The following CASTOR2 variants were observed in gnomAD, a reference collection of about 807,000 sequenced individuals.
CASTOR2 encodes cytosolic arginine sensor for mTORC1 subunit 2.
CASTOR2 carries 8 observed loss-of-function variants against 31.2 expected under a neutral mutation model. That is an observed-to-expected ratio of 0.26 (90% confidence interval 0.15 to 0.46). The LOEUF (loss-of-function observed/expected upper bound fraction) is 0.46. CASTOR2 is among the 20% of genes least tolerant of loss of function. The pLI, the probability that CASTOR2 is intolerant of heterozygous loss-of-function variation, is 0.99. For synonymous variants in CASTOR2, 162 were observed against 158.7 expected, an observed-to-expected ratio of 1.02 and a Z score of -0.16; for missense variants, 216 against 382.1, an observed-to-expected ratio of 0.57 and a Z score of 3.62.
chr7:74,971,195 G>A (rs1382477368), intron 1 of CASTOR2, among the ~76,000 whole-genome samples: 1 of 121,550 alleles, frequency 8.2e-6, no homozygotes, highest in African/African-American at 3.2e-5. Flanking sequence ...GGGTTTAGCC[G>A]TGTTACTCAG....
chr7:75,021,995 T>C, intron 7 of CASTOR2, 39 bp downstream of exon 7: 2 of 1,548,378 alleles, frequency 1.3e-6, no homozygotes, highest in Non-Finnish European at 8.7e-7. Flanking sequence ...TTGAGGGAGC[T>C]GGCATTGCTG....
rs1244574387 is a variant in CASTOR2 at position 75,025,552 on chromosome 7, G to A, written c.*853G>A. On this transcript the variant is annotated 3_prime_UTR_variant, in exon 9 of 9. Transcript: ENST00000616305. ...TTCCAGGCCTGAGGTTTCTTAGGTG[G>A]TGTCCCACCTCCCCAACAGACAACT... Among the ~76,000 whole-genome samples, 3 of 152,156 alleles carry A rather than the reference G, an allele frequency of 2.0e-5. No individual in the cohort carries two copies. The highest frequency in any genetic ancestry group is 4.4e-5 in the Non-Finnish European group (3 of 68,016).
rs1334911615 is a variant in CASTOR2, at chr7:74,994,699, G to A, written c.114-13295G>A. Among the ~76,000 whole-genome samples, 19 of 151,924 alleles carry A rather than the reference G, an allele frequency of 1.3e-4. No individual in the cohort carries two copies. In the East Asian group the frequency reaches 2.9e-3, roughly 23 times the overall value. ...TGGTAGGCAGAGGTTGCGGTGAGCC[G>A]AGATTGTGTCGCTGCACTCCAGCCT... On this transcript the variant is annotated intron_variant, in intron 1 of 8. Transcript: ENST00000616305.
Position 75,027,171 on chromosome 7 carries a change from A to G in CASTOR2, c.*2472A>G, listed in dbSNP as rs1403931297. 2.0e-5 allele frequency: 3 copies of G among 152,230 alleles called. No homozygotes were observed. Among genetic ancestry groups the G allele is most frequent in the Non-Finnish European group, 4.4e-5 (3 of 68,028 alleles). 9.4% of individuals were successfully genotyped at this position (152,230 alleles called of 1,614,324 possible). On this transcript the variant is annotated 3_prime_UTR_variant, in exon 9 of 9. Transcript: ENST00000616305. ...AGTATATAGGCAATACGATTATTAC[A>G]GAAGCCGATGGGTTCCCTCAGACCT...
chr7:75,009,549 T>C (rs1554439140), intron 2 of CASTOR2, among the ~76,000 whole-genome samples: 2 of 151,770 alleles, frequency 1.3e-5, no homozygotes. Flanking sequence ...ATTACAGGCG[T>C]GAGCCACCGC....
intron 1 of CASTOR2, among the ~76,000 whole-genome samples, chr7:75,003,883 G>A (rs1432477116): frequency 4.5e-4 from 68 of 152,212 alleles, no homozygotes; most frequent in Middle Eastern, 3.4e-3. Flanking sequence ...AAGCCCACCC[G>A]TGCCAAGGTG....
At chr7:74,970,905 T>C (rs3912064) in intron 1 of CASTOR2, among the ~76,000 whole-genome samples, 1 of 150,014 alleles carries the variant, frequency 6.7e-6, no homozygotes, top group East Asian at 2.0e-4. Context: ...GCCACTGCAC[T>C]CCAGCCTGAG....
At chr7:75,011,946 G>C (rs1804759985) in intron 2 of CASTOR2, among the ~76,000 whole-genome samples, 2 of 151,218 alleles carry the variant, frequency 1.3e-5, no homozygotes, top group South Asian at 4.2e-4. Context: ...CAGCCTGGGG[G>C]ACAGAGTGAG....
chr7:75,005,494 G>A (rs1197618858), intron 1 of CASTOR2, among the ~76,000 whole-genome samples: 2 of 152,128 alleles, frequency 1.3e-5, no homozygotes, highest in African/African-American at 4.8e-5. Flanking sequence ...TCCAGTTGAA[G>A]GAAGGACATT....
At chr7:75,001,682 G>C (rs1311598892) in intron 1 of CASTOR2, among the ~76,000 whole-genome samples, 1 of 152,202 alleles carries the variant, frequency 6.6e-6, no homozygotes, top group South Asian at 2.1e-4. Flanking sequence ...CCATCCTTTC[G>C]CTCAGCAATC....
intron 1 of CASTOR2, among the ~76,000 whole-genome samples, chr7:74,969,247 G>C (rs1803624640): frequency 1.2e-5 from 1 of 82,340 alleles, no homozygotes; most frequent in Non-Finnish European, 2.3e-5. Context: ...TGGCCTTTCT[G>C]TATTCCTGCC....
At chr7:75,004,332 C>T (rs1188617685) in intron 1 of CASTOR2, among the ~76,000 whole-genome samples, 5 of 152,132 alleles carry the variant, frequency 3.3e-5, no homozygotes, top group South Asian at 4.1e-4. Context: ...GGGACTGAGA[C>T]GTAATTTGAA....
At position 75,020,765 on chromosome 7, in the gene CASTOR2, T is replaced by A. The variant is rs587620544; in HGVS notation, c.746+616T>A. ...CGGCCTCCCAAAGTGCTGGGATTAC[T>A]GGCATGAGCCACCGCAACCAGCCTG... On this transcript the variant is annotated intron_variant, in intron 6 of 8. Transcript: ENST00000616305. Among the ~76,000 whole-genome samples, 251 of 151,412 alleles carry A rather than the reference T, an allele frequency of 1.7e-3. 1 individual carries two copies. In the East Asian group the frequency reaches 0.031, roughly 19 times the overall value.
At position 75,031,280 on chromosome 7, in the gene CASTOR2, A is replaced by C. The variant is rs1805295943; in HGVS notation, c.*6581A>C. 6.6e-6 allele frequency among the ~76,000 whole-genome samples: 1 copy of C among 151,968 alleles called. No homozygotes were observed. On this transcript the variant is annotated 3_prime_UTR_variant, in exon 9 of 9. Coordinates refer to ENST00000616305, the MANE Select transcript of CASTOR2 (RefSeq NM_001145064.3). ...CTGCCCACAACCCCCTCCAACCCTCACCTGGCGTGCCCGGGTCACCAGCAG... is the reference window on the plus strand; with the variant it reads ...CTGCCCACAACCCCCTCCAACCCTCCCCTGGCGTGCCCGGGTCACCAGCAG...
At chr7:74,985,585 CA>C (rs782053038) in intron 1 of CASTOR2, among the ~76,000 whole-genome samples, 147 of 67,576 alleles carry the variant, frequency 2.2e-3, no homozygotes, top group Middle Eastern at 9.6e-3. Flanking sequence ...CAGCCTGGCT[CA>C]AAAAAAAAAA....
At chr7:75,022,101 C>T (rs1805019586) in intron 7 of CASTOR2, 145 bp downstream of exon 7, 2 of 953,892 alleles carry the variant, frequency 2.1e-6, no homozygotes, top group Admixed American at 2.0e-5. Context: ...TTCTGTTGCT[C>T]ACTGGTGTGT....
At chr7:75,018,585 C>T (rs1211010975) in intron 4 of CASTOR2, among the ~76,000 whole-genome samples, 2 of 152,154 alleles carry the variant, frequency 1.3e-5, no homozygotes, top group African/African-American at 4.8e-5. Flanking sequence ...GGCCTTGCTG[C>T]CGTGTCTAGC....
chr7:74,988,913 T>C (rs1357055843), intron 1 of CASTOR2, among the ~76,000 whole-genome samples: 2 of 152,028 alleles, frequency 1.3e-5, no homozygotes, highest in Non-Finnish European at 2.9e-5. Context: ...TCTGTGTTTC[T>C]ATTACTGTAG....
chr7:75,008,091 G>A (rs1804644402), intron 2 of CASTOR2, 27 bp downstream of exon 2: 5 of 1,613,454 alleles, frequency 3.1e-6, no homozygotes, highest in East Asian at 4.5e-5. Flanking sequence ...CTAGGGGCTC[G>A]GCTGGACCAT....
Sources: gnomAD v4.1 joint callset for allele counts (sites outside exome capture counted in the v4.1 genomes callset) on GRCh38, gnomAD v4.1.1 for gene constraint, MANE v1.5 for transcripts, NCBI Gene and HGNC (gene_info 2026-07-23, HGNC 2026-07-21) for gene names.